FOXN3: variants seen among roughly 807,000 people sequenced by gnomAD.
FOXN3 encodes forkhead box protein N3.
Under a neutral mutation model 38.4 loss-of-function variants are expected in FOXN3, and 7 were observed. That is an observed-to-expected ratio of 0.18 (90% CI 0.10 to 0.34). The LOEUF (loss-of-function observed/expected upper bound fraction) is 0.34, where lower values mean the gene tolerates loss of function less well. Ranked by LOEUF, FOXN3 falls within the 10% of genes least tolerant of loss-of-function variation. FOXN3 has a pLI of 1.00. For missense variants in FOXN3, 456 were observed against 613.4 expected, an observed-to-expected ratio of 0.74 and a Z score of 2.71; for synonymous variants, 230 against 242.2, an observed-to-expected ratio of 0.95 and a Z score of 0.47.
chr14:89,380,163 C>G (rs1360783189), intron 2 of FOXN3, among the ~76,000 whole-genome samples: 3 of 152,150 alleles, frequency 2.0e-5, no homozygotes, highest in African/African-American at 7.2e-5. Context: ...CATAGGGGCA[C>G]GTACTGTTCT....
chr14:89,166,725 C>A (rs890966442), intron 5 of FOXN3, among the ~76,000 whole-genome samples: 3 of 152,290 alleles, frequency 2.0e-5, no homozygotes, highest in African/African-American at 7.2e-5. Context: ...ATGAAATTAA[C>A]CTTCCCTGAG....
intron 1 of FOXN3, among the ~76,000 whole-genome samples, chr14:89,427,532 T>C (rs1892066641): frequency 6.7e-6 from 1 of 149,226 alleles, no homozygotes; most frequent in African/African-American, 2.5e-5. Context: ...TTGGCCAGGC[T>C]GGTCTCCAGC....
At chr14:89,469,185 A>G (rs1293274427) in intron 1 of FOXN3, among the ~76,000 whole-genome samples, 3 of 152,222 alleles carry the variant, frequency 2.0e-5, no homozygotes, top group Non-Finnish European at 4.4e-5. Context: ...ACCCTGAGGT[A>G]GTCAGTGGCA....
chr14:89,558,122 T>C (rs1476859484), intron 1 of FOXN3, among the ~76,000 whole-genome samples: 1 of 152,178 alleles, frequency 6.6e-6, no homozygotes, highest in Non-Finnish European at 1.5e-5. Flanking sequence ...TAGAGTAACC[T>C]TATAGATGTA....
At chr14:89,555,437 T>C (rs576036321) in intron 1 of FOXN3, among the ~76,000 whole-genome samples, 28 of 152,216 alleles carry the variant, frequency 1.8e-4, no homozygotes, top group Non-Finnish European at 2.5e-4. Flanking sequence ...TATTATCAAC[T>C]TCACTAATTG....
At chr14:89,299,065 T>C (rs960148561) in intron 3 of FOXN3, among the ~76,000 whole-genome samples, 41 of 148,488 alleles carry the variant, frequency 2.8e-4, no homozygotes, top group African/African-American at 1.0e-3. Flanking sequence ...CCTCCAAAGG[T>C]GACATCCACC....
At chr14:89,225,127 C>CAAAAA (rs35426984) in intron 4 of FOXN3, among the ~76,000 whole-genome samples, 1 of 102,292 alleles carries the variant, frequency 9.8e-6, no homozygotes, top group African/African-American at 3.9e-5. Context: ...GACTCCATCT[C>CAAAAA]AAAAAAAAAA....
intron 4 of FOXN3, among the ~76,000 whole-genome samples, chr14:89,276,124 T>G (rs1886292821): frequency 6.6e-6 from 1 of 151,906 alleles, no homozygotes; most frequent in South Asian, 2.1e-4. Context: ...TAAAAATACG[T>G]AAAAATTAGC....
At chr14:89,393,539 CGTT>C (rs1162385771) in intron 2 of FOXN3, among the ~76,000 whole-genome samples, 1 of 152,148 alleles carries the variant, frequency 6.6e-6, no homozygotes, top group Non-Finnish European at 1.5e-5. Flanking sequence ...TGAGGGTGAG[CGTT>C]GTTGTCAATC....
intron 2 of FOXN3, among the ~76,000 whole-genome samples, chr14:89,391,624 T>C (rs542536589): frequency 6.6e-6 from 1 of 152,272 alleles, no homozygotes; most frequent in East Asian, 1.9e-4. Context: ...CAGCACCAAG[T>C]GCATGAAAAA....
chr14:89,379,817 T>G (rs558624107), intron 2 of FOXN3, among the ~76,000 whole-genome samples: 2 of 152,132 alleles, frequency 1.3e-5, no homozygotes, highest in Non-Finnish European at 1.5e-5. Context: ...CCCACCACCA[T>G]GTCTAGCTAA....
intron 2 of FOXN3, among the ~76,000 whole-genome samples, chr14:89,356,045 GAAAAAAA>G (rs552244272): frequency 8.9e-6 from 1 of 112,014 alleles, no homozygotes; most frequent in Non-Finnish European, 2.0e-5. Context: ...GGTATGAAAA[GAAAAAAA>G]AAGAAAAAAG....
chr14:89,468,423 C>T (rs1893025382), intron 1 of FOXN3, among the ~76,000 whole-genome samples: 1 of 152,068 alleles, frequency 6.6e-6, no homozygotes, highest in Non-Finnish European at 1.5e-5. Flanking sequence ...CACTGCACAA[C>T]ATCCTGGGTG....
At chr14:89,347,894 C>G (rs1484737557) in intron 3 of FOXN3, among the ~76,000 whole-genome samples, 2 of 151,864 alleles carry the variant, frequency 1.3e-5, no homozygotes, top group East Asian at 3.9e-4. Flanking sequence ...GCGGAGGTTG[C>G]AGTGAGCCAA....
At position 89,415,881 on chromosome 14, in the gene FOXN3, CA is replaced by C. The variant is rs879293495; in HGVS notation, c.-15+989del. The stretch of plus-strand genomic sequence containing the variant: ...ACACACACACACACACACACACACA[CA>C]CCCTCTTTTGTTTTTTTTATGACTT... On this transcript the variant is annotated intron_variant, in intron 1 of 5. Transcript: ENST00000557258. Among the ~76,000 whole-genome samples the C allele has an allele frequency of 2.9e-3, 425 of 148,320 alleles. 1 individual carries two copies. The highest frequency in any genetic ancestry group is 4.5e-3 in the Non-Finnish European group (303 of 66,650).
intron 4 of FOXN3, among the ~76,000 whole-genome samples, chr14:89,186,396 G>C (rs568308491): frequency 6.6e-6 from 1 of 152,224 alleles, no homozygotes; most frequent in African/African-American, 2.4e-5. Flanking sequence ...CTTTGAAGAT[G>C]AGTAATGGAG....
chr14:89,244,897 C>A (rs1407702197), intron 4 of FOXN3, among the ~76,000 whole-genome samples: 1 of 152,136 alleles, frequency 6.6e-6, no homozygotes, highest in African/African-American at 2.4e-5. Flanking sequence ...TCATATTAAC[C>A]AATAACCTAC....
chr14:89,398,634 G>A (rs552740845), intron 2 of FOXN3, among the ~76,000 whole-genome samples: 1 of 152,184 alleles, frequency 6.6e-6, no homozygotes, highest in African/African-American at 2.4e-5. Flanking sequence ...GTATTCTGAG[G>A]GGACAGAGGG....
intron 1 of FOXN3, among the ~76,000 whole-genome samples, chr14:89,444,453 T>C (rs986524585): frequency 6.8e-6 from 1 of 146,342 alleles, no homozygotes; most frequent in Non-Finnish European, 1.5e-5. Context: ...AGGTCAGGCC[T>C]TAGTGTAAGT....
Sources: allele counts gnomAD v4.1 joint callset (sites outside exome capture counted in the v4.1 genomes callset), GRCh38; gene constraint gnomAD v4.1.1; transcripts MANE v1.5; gene names NCBI Gene and HGNC (gene_info 2026-07-23, HGNC 2026-07-21).